The following DCDC2 variants were observed in gnomAD, a reference collection of about 807,000 sequenced individuals.
DCDC2 encodes doublecortin domain containing 2, also known as doublecortin domain-containing protein 2.
In DCDC2, 40 loss-of-function variants were observed where a neutral mutation model predicts 50.2. The ratio of observed to expected loss-of-function variants is 0.80; its 90% confidence interval spans 0.62 to 1.04. The LOEUF (loss-of-function observed/expected upper bound fraction) is 1.04. Ranked by LOEUF, DCDC2 falls within the 50% of genes least tolerant of loss-of-function variation. The pLI is 0.00. For synonymous variants in DCDC2, 234 were observed against 210.6 expected, an observed-to-expected ratio of 1.11 and a Z score of -0.96; for missense variants, 570 against 581.9, an observed-to-expected ratio of 0.98 and a Z score of 0.21.
chr6:24,319,080 C>T (rs1759725913), intron 2 of DCDC2, among the ~76,000 whole-genome samples: 1 of 152,056 alleles, frequency 6.6e-6, no homozygotes, highest in Non-Finnish European at 1.5e-5. Flanking sequence ...TCTCTGCATC[C>T]TTGCCAACAT....
intron 6 of DCDC2, among the ~76,000 whole-genome samples, chr6:24,285,304 T>C (rs1461181649): frequency 2.0e-5 from 3 of 152,262 alleles, no homozygotes; most frequent in Admixed American, 6.5e-5. Flanking sequence ...TTCTATGGGA[T>C]GCAAATATAC....
intron 4 of DCDC2, among the ~76,000 whole-genome samples, chr6:24,297,644 T>C (rs1759281761): frequency 6.6e-6 from 1 of 152,188 alleles, no homozygotes; most frequent in African/African-American, 2.4e-5. Context: ...TTTGTGTCCT[T>C]TTTATTACTT....
chr6:24,336,788 C>A (rs6456605), intron 2 of DCDC2, among the ~76,000 whole-genome samples: 49,197 of 151,682 alleles, frequency 0.32, 9,586 homozygotes, highest in African/African-American at 0.55. Flanking sequence ...CACTTATGAG[C>A]TATTCAATTA....
chr6:24,358,796 A>AT (rs1172457884), upstream of DCDC2, among the ~76,000 whole-genome samples: 155 of 66,694 alleles, frequency 2.3e-3, 5 homozygotes, highest in African/African-American at 8.3e-3. Flanking sequence ...TAAAATATAT[A>AT]TTTTATATAT....
At chr6:24,352,831 A>G (rs1760396789) in intron 2 of DCDC2, among the ~76,000 whole-genome samples, 1 of 152,242 alleles carries the variant, frequency 6.6e-6, no homozygotes, top group Non-Finnish European at 1.5e-5. Context: ...CTGAATGGGA[A>G]GAGTGGCTGT....
chr6:24,260,017 C>T (rs1762977438), intron 7 of DCDC2, among the ~76,000 whole-genome samples: 1 of 152,132 alleles, frequency 6.6e-6, no homozygotes, highest in Admixed American at 6.5e-5. Context: ...AGAATTGATG[C>T]TTAAGGTTAT....
chr6:24,242,252 A>C (rs759973922), intron 7 of DCDC2, among the ~76,000 whole-genome samples: 13 of 152,174 alleles, frequency 8.5e-5, no homozygotes, highest in Non-Finnish European at 1.9e-4. Flanking sequence ...TTATCTAAGA[A>C]GTAAAATCCA....
chr6:24,373,376 T>G, the DCDC2 span, among the ~76,000 whole-genome samples: 3 of 152,178 alleles, frequency 2.0e-5, no homozygotes, highest in Admixed American at 2.0e-4. Context: ...AATGATACAC[T>G]AATGCAATGG....
chr6:24,357,373 G>C (rs745661457), intron 1 of DCDC2, 85 bp downstream of exon 1: 4 of 1,432,340 alleles, frequency 2.8e-6, no homozygotes, highest in Non-Finnish European at 2.8e-6. Flanking sequence ...ACTGAGGTGT[G>C]GGGGGGTAGG....
At chr6:24,216,932 T>C (rs112954317) in intron 7 of DCDC2, among the ~76,000 whole-genome samples, 9 of 152,140 alleles carry the variant, frequency 5.9e-5, no homozygotes, top group African/African-American at 2.2e-4. Flanking sequence ...AACATAGAAA[T>C]CCATTGCAGG....
chr6:24,183,705 G>A (rs1244929237), intron 8 of DCDC2, among the ~76,000 whole-genome samples: 1 of 152,184 alleles, frequency 6.6e-6, no homozygotes, highest in Non-Finnish European at 1.5e-5. Flanking sequence ...GCACCCATCT[G>A]TGTTAAGCAG....
At chr6:24,187,446 AC>A (rs143040747) in intron 8 of DCDC2, among the ~76,000 whole-genome samples, 2,365 of 152,038 alleles carry the variant, frequency 0.016, 48 homozygotes, top group African/African-American at 0.043. Flanking sequence ...GTCACTCCTC[AC>A]CTGTGCCCTC....
upstream of DCDC2, among the ~76,000 whole-genome samples, chr6:24,358,733 T>A (rs1393947042): frequency 6.3e-4 from 7 of 11,088 alleles, no homozygotes; most frequent in Admixed American, 4.4e-3. Flanking sequence ...TATTTTATTT[T>A]ATATATATTT....
chr6:24,341,531 T>A (rs141726678), intron 2 of DCDC2, among the ~76,000 whole-genome samples: 3 of 145,754 alleles, frequency 2.1e-5, no homozygotes, highest in Non-Finnish European at 4.5e-5. Context: ...AAAAAAAAAA[T>A]GCCTCCATCC....
At chr6:24,307,703 T>C (rs905071064) in intron 2 of DCDC2, among the ~76,000 whole-genome samples, 8 of 151,914 alleles carry the variant, frequency 5.3e-5, no homozygotes, top group Admixed American at 2.0e-4. Context: ...AAGGAGTCAA[T>C]ACACCAGATA....
At chr6:24,284,515 G>A (rs747939647) in intron 6 of DCDC2, among the ~76,000 whole-genome samples, 1 of 151,762 alleles carries the variant, frequency 6.6e-6, no homozygotes, top group Non-Finnish European at 1.5e-5. Context: ...GGGAGGCTGA[G>A]GCAGGGAATT....
chr6:24,368,604 TTTCTA>T, the DCDC2 span, among the ~76,000 whole-genome samples: 2 of 152,230 alleles, frequency 1.3e-5, no homozygotes, highest in Non-Finnish European at 2.9e-5. Flanking sequence ...CAAAATTATC[TTTCTA>T]AAGAATGAGT....
intron 7 of DCDC2, among the ~76,000 whole-genome samples, chr6:24,242,735 G>A (rs1348341419): frequency 1.3e-5 from 2 of 152,162 alleles, no homozygotes; most frequent in Non-Finnish European, 2.9e-5. Flanking sequence ...GCCAAGACGG[G>A]CGGATCACTT....
intron 7 of DCDC2, among the ~76,000 whole-genome samples, chr6:24,269,211 T>A (rs1485678270): frequency 6.6e-6 from 1 of 152,212 alleles, no homozygotes; most frequent in Non-Finnish European, 1.5e-5. Flanking sequence ...CAAGCAGTAT[T>A]TAGTAATTGT....
Sources: gnomAD v4.1 joint callset for allele counts (sites outside exome capture counted in the v4.1 genomes callset) on GRCh38, gnomAD v4.1.1 for gene constraint, MANE v1.5 for transcripts, NCBI Gene and HGNC (gene_info 2026-07-23, HGNC 2026-07-21) for gene names.